Variants in TRIM22 observed in about 807,000 individuals in gnomAD.
TRIM22 encodes the protein E3 ubiquitin-protein ligase TRIM22.
TRIM22 carries 45 observed loss-of-function variants against 53.6 expected under a neutral mutation model. The observed-to-expected ratio is 0.84, with a 90% CI of 0.66 to 1.08. TRIM22 has a LOEUF of 1.08. TRIM22 is among the 50% of genes least tolerant of loss of function. The pLI, the probability that TRIM22 is intolerant of heterozygous loss-of-function variation, is 0.00. For missense variants in TRIM22, 616 were observed against 590.9 expected (o/e 1.04, Z -0.44); for synonymous variants, 225 against 216.6 (o/e 1.04, Z -0.34).
chr11:5,696,705 T>G, intron 2 of TRIM22, 50 bp downstream of exon 2: 8 of 1,527,490 alleles, frequency 5.2e-6, no homozygotes, highest in Non-Finnish European at 5.3e-6. Context: ...AGATGGTACC[T>G]AATGTGAAAT....
intron 3 of TRIM22, 58 bp downstream of exon 3, chr11:5,697,401 C>T: frequency 1.5e-6 from 2 of 1,315,752 alleles, no homozygotes; most frequent in Non-Finnish European, 2.1e-6. Flanking sequence ...GGACCCTGGG[C>T]TCTATCACAA....
chr11:5,701,672 A>G (rs1167718872), intron 4 of TRIM22, among the ~76,000 whole-genome samples: 3 of 152,196 alleles, frequency 2.0e-5, no homozygotes, highest in Admixed American at 6.5e-5. Flanking sequence ...AAAACCTCAT[A>G]CAAAAAAATT....
chr11:5,698,255 C>G, intron 3 of TRIM22, 60 bp from the exon 4 acceptor site: 1 of 1,370,908 alleles, frequency 7.3e-7, no homozygotes, highest in Non-Finnish European at 1.0e-6. Flanking sequence ...CTCCCAGGCT[C>G]ATACAAAGCA....
intron 3 of TRIM22, 179 bp from the exon 4 acceptor site, chr11:5,698,136 G>A: frequency 1.7e-6 from 1 of 589,482 alleles, no homozygotes; most frequent in South Asian, 2.0e-5. Context: ...TGCTTTGGGA[G>A]GAGCTCAGGT....
intron 2 of TRIM22, 28 bp downstream of exon 2, chr11:5,696,683 G>C: frequency 6.3e-7 from 1 of 1,581,150 alleles, no homozygotes; most frequent in East Asian, 2.2e-5. Context: ...GGAAGAGAGA[G>C]CAGAGAGCAG....
At chr11:5,697,726 CAG>C (rs1853291484) in intron 3 of TRIM22, 1 of 183,292 alleles carries the variant, frequency 5.5e-6, no homozygotes, top group Non-Finnish European at 1.1e-5. Flanking sequence ...TTTTTTGAGA[CAG>C]AGTCTCTCTC....
At chr11:5,697,403 C>G (rs1853284842) in intron 3 of TRIM22, 60 bp downstream of exon 3, 2 of 1,274,934 alleles carry the variant, frequency 1.6e-6, no homozygotes, top group African/African-American at 1.5e-5. Context: ...ACCCTGGGCT[C>G]TATCACAAGG....
intron 4 of TRIM22, among the ~76,000 whole-genome samples, chr11:5,699,315 G>C (rs527627068): frequency 7.8e-6 from 1 of 128,668 alleles, no homozygotes; most frequent in South Asian, 2.3e-4. Context: ...ATGAGGTCAG[G>C]AGATCGAGAC....
intron 3 of TRIM22, 102 bp downstream of exon 3, chr11:5,697,445 A>G: frequency 2.5e-6 from 2 of 793,742 alleles, no homozygotes; most frequent in Non-Finnish European, 2.0e-6. Context: ...GCTAGAATTA[A>G]CAAGCATAGA....
At chr11:5,704,412 T>G (rs1219973404) in intron 4 of TRIM22, among the ~76,000 whole-genome samples, 1 of 152,198 alleles carries the variant, frequency 6.6e-6, no homozygotes, top group Non-Finnish European at 1.5e-5. Context: ...ACATGTTTCT[T>G]ATCAGTTTTT....
chr11:5,693,159 T>C (rs1853201992), intron 1 of TRIM22, among the ~76,000 whole-genome samples: 1 of 150,174 alleles, frequency 6.7e-6, no homozygotes, highest in African/African-American at 2.4e-5. Flanking sequence ...ACTGCTGGGA[T>C]TACAGGCTTG....
At chr11:5,700,256 C>T (rs779246598) in intron 4 of TRIM22, among the ~76,000 whole-genome samples, 2 of 151,832 alleles carry the variant, frequency 1.3e-5, no homozygotes, top group African/African-American at 2.4e-5. Context: ...CCAGGACTAG[C>T]GCACACCGCC....
intron 1 of TRIM22, among the ~76,000 whole-genome samples, chr11:5,695,809 G>T (rs1239327276): frequency 6.6e-6 from 1 of 152,158 alleles, no homozygotes; most frequent in Non-Finnish European, 1.5e-5. Context: ...CCAGGGGCAG[G>T]GGTGTGTTTA....
rs1590322479 is a variant in TRIM22, at chr11:5,709,815, G to A, written c.*167G>A. On this transcript the variant is annotated 3_prime_UTR_variant, in exon 8 of 8. Transcript: ENST00000379965. ...AGGGCTTCCATAGCAAAGCATCATA[G>A]ATTGCTGATTTAAACTGTAATTGTA... is the stretch of plus-strand genomic sequence containing the variant. 1 of 639,188 alleles carries A rather than the reference G, an allele frequency of 1.6e-6. No homozygotes were observed. The highest frequency in any genetic ancestry group is 2.7e-6 in the Non-Finnish European group (1 of 375,206). The allele number at this position is 639,188 out of a possible 1,614,324, so 39.6% of individuals were successfully genotyped here.
intron 6 of TRIM22, 84 bp from the exon 7 acceptor site, chr11:5,708,493 C>G: frequency 3.0e-6 from 4 of 1,354,784 alleles, no homozygotes; most frequent in Non-Finnish European, 4.1e-6. Flanking sequence ...TTCCCCCTTT[C>G]CTTTCCCTAC....
At chr11:5,691,369 C>G (rs183039917) in intron 1 of TRIM22, among the ~76,000 whole-genome samples, 2 of 152,056 alleles carry the variant, frequency 1.3e-5, no homozygotes, top group Non-Finnish European at 2.9e-5. Context: ...GTAATTAGAT[C>G]GGAACAAAAC....
At position 5,697,730 on chromosome 11, in the gene TRIM22, GTCTC is replaced by G. The variant is rs1853291633; in HGVS notation, c.519+393_519+396del. ...TTGTTTGTTTGTTTTTTGAGACAGA[GTCTC>G]TCTCTGTCATACAGGCTGGAGTGTA... is the stretch of plus-strand genomic sequence containing the variant. On this transcript the variant is annotated intron_variant, in intron 3 of 7. Coordinates refer to ENST00000379965, the MANE Select transcript of TRIM22 (RefSeq NM_006074.5). 6 of 183,648 alleles carry G rather than the reference GTCTC, an allele frequency of 3.3e-5. No individual in the cohort carries two copies. The South Asian group carries it at 7.7e-4, about 23-fold the overall frequency. The allele number at this position is 183,648 out of a possible 1,614,324, so 11.4% of individuals were successfully genotyped here.
At chr11:5,699,494 G>A (rs4348934) in intron 4 of TRIM22, among the ~76,000 whole-genome samples, 9 of 101,198 alleles carry the variant, frequency 8.9e-5, no homozygotes, top group Admixed American at 1.3e-4. Flanking sequence ...ACTGCAGTCC[G>A]CAGTCCGGCC....
Position 5,709,568 on chromosome 11 carries a change from C to T in TRIM22, c.1417C>T (p.Arg473Cys), listed in dbSNP as rs1853524550. ...GALIYKFSGC[R>C]FSRPAYPYFN... Reference sequence around the variant, plus strand: ...ACTCATCTACAAGTTCTCTGGATGTCGCTTTTCTCGACCTGCTTATCCGTA... The same window carrying T: ...ACTCATCTACAAGTTCTCTGGATGTTGCTTTTCTCGACCTGCTTATCCGTA... Residue 473 changes from arginine to cysteine, a missense_variant, in exon 8 of 8, where the codon CGC (arginine) becomes TGC (cysteine). Physicochemically the swap from Arg to Cys is radical, Grantham distance 180. Coordinates refer to ENST00000379965, the MANE Select transcript of TRIM22 (RefSeq NM_006074.5). 3.7e-6 allele frequency: 6 copies of T among 1,613,974 alleles called. No individual in the cohort carries two copies. The highest frequency in any genetic ancestry group is 5.1e-6 in the Non-Finnish European group (6 of 1,180,030).
Sources: gnomAD v4.1 joint callset for allele counts (sites outside exome capture counted in the v4.1 genomes callset) on GRCh38, gnomAD v4.1.1 for gene constraint, MANE v1.5 for transcripts, NCBI Gene and HGNC (gene_info 2026-07-23, HGNC 2026-07-21) for gene names.